AAK1: variants seen among roughly 807,000 people sequenced by gnomAD.
AAK1 encodes AP2-associated protein kinase 1.
In AAK1, 37 loss-of-function variants were observed where a neutral mutation model predicts 116.0. The ratio of observed to expected loss-of-function variants is 0.32; its 90% CI spans 0.25 to 0.42. The LOEUF is 0.42. Among genes scored for constraint, AAK1 ranks in the 10% least tolerant of loss-of-function variants. The pLI is 1.00. For synonymous variants in AAK1, 458 were observed against 439.9 expected, an observed-to-expected ratio of 1.04 and a Z score of -0.51; for missense variants, 919 against 1,170.6, an observed-to-expected ratio of 0.79 and a Z score of 3.14.
intron 5 of AAK1, among the ~76,000 whole-genome samples, chr2:69,537,693 C>T (rs894361728): frequency 1.3e-5 from 2 of 152,196 alleles, no homozygotes; most frequent in African/African-American, 2.4e-5. Context: ...TGTGATGCAA[C>T]GACAGAGCCA....
Position 69,556,899 on chromosome 2 carries a change from C to A in AAK1, c.243G>T (p.Glu81Asp), listed in dbSNP as rs758501384. Residue 81 changes from glutamate to aspartate, a missense_variant, in exon 3 of 22, where the codon GAG becomes GAT. Glu to Asp is a conservative substitution (Grantham distance 45). Coordinates refer to ENST00000409085, the MANE Select transcript of AAK1 (RefSeq NM_014911.5). ...CTCTCTTGCACACCTGGAGATCATGCTCATTGTTGACAAACATGCGTTTCA... is the reference window on the plus strand; with the variant it reads ...CTCTCTTGCACACCTGGAGATCATGATCATTGTTGACAAACATGCGTTTCA... ...CALKRMFVNN[E>D]HDLQVCKREI... 1 of 1,613,942 alleles carries A rather than the reference C, an allele frequency of 6.2e-7. No homozygotes were observed. Among genetic ancestry groups the A allele is most frequent in the Non-Finnish European group, 8.5e-7 (1 of 1,179,834 alleles).
At chr2:69,501,461 G>A (rs571307108) in intron 16 of AAK1, among the ~76,000 whole-genome samples, 16 of 152,062 alleles carry the variant, frequency 1.1e-4, no homozygotes, top group Admixed American at 6.5e-4. Context: ...AGGTTGAAGC[G>A]AGGCAACTGG....
intron 2 of AAK1, among the ~76,000 whole-genome samples, chr2:69,605,965 C>G (rs1378795694): frequency 6.6e-6 from 1 of 152,152 alleles, no homozygotes; most frequent in African/African-American, 2.4e-5. Context: ...TACTGTTCAG[C>G]CCATTCCTCC....
At chr2:69,620,232 T>C (rs1573014354) in intron 2 of AAK1, among the ~76,000 whole-genome samples, 1 of 152,326 alleles carries the variant, frequency 6.6e-6, no homozygotes, top group East Asian at 1.9e-4. Context: ...CAAGAGGTTT[T>C]TGGCCTGAGT....
chr2:69,575,069 AAAAC>A (rs1672250531), intron 2 of AAK1, among the ~76,000 whole-genome samples: 1 of 151,802 alleles, frequency 6.6e-6, no homozygotes, highest in Admixed American at 6.6e-5. Context: ...TGACTAAAAC[AAAAC>A]AAACAACTTC....
intron 3 of AAK1, among the ~76,000 whole-genome samples, chr2:69,555,638 A>G (rs1671360114): frequency 1.3e-5 from 2 of 152,204 alleles, no homozygotes; most frequent in East Asian, 1.9e-4. Context: ...AATTTCTTCC[A>G]AAGTTTATTA....
At position 69,473,777 on chromosome 2, in the gene AAK1, C is replaced by T; in HGVS notation, c.*2092G>A. The T allele has an allele frequency of 1.0e-6, 1 of 981,582 alleles. No homozygotes were observed. Among genetic ancestry groups the T allele is most frequent in the Non-Finnish European group, 1.2e-6 (1 of 826,134 alleles). 60.8% of individuals were successfully genotyped at this position (981,582 alleles called of 1,614,324 possible). On this transcript the variant is annotated 3_prime_UTR_variant, in exon 22 of 22. Coordinates refer to ENST00000409085, the MANE Select transcript of AAK1 (RefSeq NM_014911.5). ...GAAAACATAGAACTCAAACATTATTCTTATTTAAAAATAAACATTTCCTTC... is the reference window on the plus strand; with the variant it reads ...GAAAACATAGAACTCAAACATTATTTTTATTTAAAAATAAACATTTCCTTC...
chr2:69,507,680 G>A, intron 14 of AAK1, 102 bp from the exon 15 acceptor site: 1 of 1,191,006 alleles, frequency 8.4e-7, no homozygotes, highest in Non-Finnish European at 1.1e-6. Context: ...TTATTTTCTG[G>A]GTCAAACCAT....
intron 2 of AAK1, among the ~76,000 whole-genome samples, chr2:69,607,046 CAAAAAA>C (rs61156108): frequency 0.1 from 6,897 of 68,862 alleles, 483 homozygotes; most frequent in African/African-American, 0.23. Context: ...AGTCTTGCCT[CAAAAAA>C]AAAAAAAAAA....
chr2:69,488,468 G>A (rs1675389841), intron 17 of AAK1, among the ~76,000 whole-genome samples: 1 of 152,082 alleles, frequency 6.6e-6, no homozygotes, highest in Admixed American at 6.5e-5. Flanking sequence ...AATTTAAGTT[G>A]CCTGATTTTT....
At chr2:69,515,243 T>A (rs1475828516) in intron 12 of AAK1, among the ~76,000 whole-genome samples, 1 of 152,224 alleles carries the variant, frequency 6.6e-6, no homozygotes, top group Non-Finnish European at 1.5e-5. Flanking sequence ...CAAGTCTTAC[T>A]AAAAATTATT....
At chr2:69,505,434 A>G (rs1189808440) in intron 16 of AAK1, 135 bp downstream of exon 16, 1 of 442,128 alleles carries the variant, frequency 2.3e-6, no homozygotes. Flanking sequence ...ATAGACCATG[A>G]AAAACATATA....
Position 69,519,089 on chromosome 2 carries a change from G to A in AAK1, c.1362C>T (p.Pro454=), listed in dbSNP as rs779560247. The A allele has an allele frequency of 2.9e-5, 45 of 1,552,128 alleles. No homozygotes were observed. The Admixed American group carries it at 4.7e-4, about 16-fold the overall frequency. The change falls in exon 12 of 22, where the codon CCC becomes CCT. Residue 454 remains proline, a synonymous_variant. Coordinates refer to ENST00000409085, the MANE Select transcript of AAK1 (RefSeq NM_014911.5). The part of the protein sequence containing the change: ...QTPSTQAQGL[P]AQAQATPQHQ... ...GCTGGGGTGTGGCCTGGGCCTGAGC[G>A]GGCAGACCCTGGGCCTGAGTAGAAG...
Position 69,464,502 on chromosome 2 carries a change from C to G in AAK1, c.*11367G>C, listed in dbSNP as rs751425667. On this transcript the variant is annotated 3_prime_UTR_variant, in exon 22 of 22. Transcript: ENST00000409085. ...TCCCTACACCTTCCAACGTATTCTACTTTGCCATGAGAAAAAAACTAAATA... is the reference window on the plus strand; with the variant it reads ...TCCCTACACCTTCCAACGTATTCTAGTTTGCCATGAGAAAAAAACTAAATA... 6.6e-6 allele frequency: 1 copy of G among 152,586 alleles called. No individual in the cohort carries two copies. Among genetic ancestry groups the G allele is most frequent in the Non-Finnish European group, 1.5e-5 (1 of 68,036 alleles). 9.5% of individuals were successfully genotyped at this position (152,586 alleles called of 1,614,324 possible). A position where few individuals can be genotyped will look rare whatever the true frequency, so the allele number is the denominator to read the frequency against.
chr2:69,545,213 C>A (rs1670874609), intron 3 of AAK1, among the ~76,000 whole-genome samples: 1 of 152,112 alleles, frequency 6.6e-6, no homozygotes, highest in Non-Finnish European at 1.5e-5. Context: ...TTCATCCAAC[C>A]AACATTTGTT....
intron 2 of AAK1, among the ~76,000 whole-genome samples, chr2:69,567,142 T>C (rs1671909516): frequency 1.3e-5 from 2 of 152,258 alleles, no homozygotes; most frequent in African/African-American, 2.4e-5. Context: ...TTCTTCAGCA[T>C]TGCTTATGCT....
At chr2:69,538,332 T>C (rs1206099957) in intron 5 of AAK1, among the ~76,000 whole-genome samples, 3 of 152,204 alleles carry the variant, frequency 2.0e-5, no homozygotes, top group African/African-American at 7.2e-5. Flanking sequence ...TTGTGGGCTG[T>C]TCAGTGCAGT....
At chr2:69,611,465 T>TA (rs1311869505) in intron 2 of AAK1, among the ~76,000 whole-genome samples, 1 of 152,168 alleles carries the variant, frequency 6.6e-6, no homozygotes, top group Non-Finnish European at 1.5e-5. Context: ...GCACATGGTT[T>TA]AGAGTTGGTT....
chr2:69,494,062 T>C (rs1281470003), intron 17 of AAK1, among the ~76,000 whole-genome samples: 3 of 152,206 alleles, frequency 2.0e-5, no homozygotes, highest in South Asian at 2.1e-4. Flanking sequence ...GTCTGACTTA[T>C]GTTTTCAACA....
Sources: allele counts gnomAD v4.1 joint callset (sites outside exome capture counted in the v4.1 genomes callset), GRCh38; gene constraint gnomAD v4.1.1; transcripts MANE v1.5; gene names NCBI Gene and HGNC (gene_info 2026-07-23, HGNC 2026-07-21).